CDK18: variants seen among roughly 807,000 people sequenced by gnomAD.
CDK18 encodes the protein cyclin-dependent kinase 18.
Under a neutral mutation model 62.0 loss-of-function variants are expected in CDK18, and 52 were observed. The observed-to-expected ratio is 0.84, with a 90% confidence interval of 0.67 to 1.06. The LOEUF (loss-of-function observed/expected upper bound fraction) is 1.06. CDK18 is among the 50% of genes least tolerant of loss of function. The pLI is 0.00. For synonymous variants in CDK18, 237 were observed against 247.0 expected, an observed-to-expected ratio of 0.96 and a Z score of 0.38; for missense variants, 604 against 619.9, an observed-to-expected ratio of 0.97 and a Z score of 0.27.
chr1:205,527,824 G>T lies in CDK18; in HGVS notation c.760G>T (p.Ala254Ser). 1.9e-6 allele frequency: 3 copies of T among 1,613,836 alleles called. No homozygotes were observed. Among genetic ancestry groups the T allele is most frequent in the Non-Finnish European group, 2.5e-6 (3 of 1,179,888 alleles). The change falls in exon 9 of 16, where the codon GCC (alanine) becomes TCC (serine). Residue 254 changes from alanine (A) to serine (S), a missense_variant. Coordinates refer to ENST00000429964, the MANE Select transcript of CDK18 (RefSeq NM_212502.3). The surrounding 1 kb of genome is among the most constrained non-coding windows in gnomAD (Gnocchi z 4.1). ...IFMFQLLRGL[A>S]YCHHRKILHR... Reference sequence around the variant, plus strand: ...CATGTTCCAGCTGCTCCGGGGCCTCGCCTACTGTCACCACCGCAAGATCCT... The same window carrying T: ...CATGTTCCAGCTGCTCCGGGGCCTCTCCTACTGTCACCACCGCAAGATCCT...
intron 1 of CDK18, among the ~76,000 whole-genome samples, chr1:205,520,494 G>T (rs1215952522): frequency 6.6e-6 from 1 of 152,144 alleles, no homozygotes; most frequent in Non-Finnish European, 1.5e-5. Flanking sequence ...GAGGTCAGGA[G>T]TTCGAGACCA....
At position 205,530,622 on chromosome 1, in the gene CDK18, C is replaced by T. The variant is rs1320827478; in HGVS notation, c.1313-6C>T. 5.0e-6 allele frequency: 8 copies of T among 1,613,756 alleles called. No homozygotes were observed. Among genetic ancestry groups the T allele is most frequent in the Non-Finnish European group, 6.8e-6 (8 of 1,179,816 alleles). ...CCTCTCCAGACTATGCACTTCTCTC[C>T]CCCAGCTGCCTCCATCTTCTCCCTG... On this transcript the variant is annotated splice_region_variant and splice_polypyrimidine_tract_variant and intron_variant, in intron 14 of 15. Transcript: ENST00000429964.
Position 205,528,930 on chromosome 1 carries a change from C to T in CDK18, c.975-69C>T. On this transcript the variant is annotated intron_variant, in intron 10 of 15. Coordinates refer to ENST00000429964, the MANE Select transcript of CDK18 (RefSeq NM_212502.3). This position sits in a 1 kb window ranked among gnomAD's most constrained non-coding sequence, Gnocchi z 4.2. Reference sequence around the variant, plus strand: ...CCTGTGGCAGGTCGTCATTGGTGCCCTGGTGGAGCAGCCCTAGGAAGGGCG... The same window carrying T: ...CCTGTGGCAGGTCGTCATTGGTGCCTTGGTGGAGCAGCCCTAGGAAGGGCG... 9.6e-7 allele frequency: 1 copy of T among 1,037,942 alleles called. No individual in the cohort carries two copies. The highest frequency in any genetic ancestry group is 1.4e-6 in the Non-Finnish European group (1 of 704,368). The allele number at this position is 1,037,942 out of a possible 1,614,324, so 64.3% of individuals were successfully genotyped here. A position where few individuals can be genotyped will look rare whatever the true frequency, so the allele number is the denominator to read the frequency against.
In CDK18 at chr1:205,527,658, G is replaced by C; in HGVS notation, c.730-136G>C. The C allele has an allele frequency of 1.2e-6, 1 of 813,830 alleles. No homozygotes were observed. Among genetic ancestry groups the C allele is most frequent in the Non-Finnish European group, 2.0e-6 (1 of 494,056 alleles). The allele number at this position is 813,830 out of a possible 1,614,324, so 50.4% of individuals were successfully genotyped here. A position where few individuals can be genotyped will look rare whatever the true frequency, so the allele number is the denominator to read the frequency against. On this transcript the variant is annotated intron_variant, in intron 8 of 15. Coordinates refer to ENST00000429964, the MANE Select transcript of CDK18 (RefSeq NM_212502.3). The surrounding 1 kb of genome is among the most constrained non-coding windows in gnomAD (Gnocchi z 4.1). ...CTGGTGTGGGTGGGGTCCAGGATGG[G>C]GGCTGCAGGGTGTGCAGGAGAATGA...
rs1427648069 is a variant in CDK18, at chr1:205,517,976, A to G, written c.-21-5171A>G. Among the ~76,000 whole-genome samples the G allele has an allele frequency of 6.6e-6, 1 of 152,136 alleles. No individual in the cohort carries two copies. Among genetic ancestry groups the G allele is most frequent in the African/African-American group, 2.4e-5 (1 of 41,420 alleles). On this transcript the variant is annotated intron_variant, in intron 1 of 15. Transcript: ENST00000429964. The surrounding 1 kb of genome is among the most constrained non-coding windows in gnomAD (Gnocchi z 4.1). ...CTCCCATCCAGCATCTTCTCCAGCC[A>G]CATCATTGTCCTGCAGTGAACCAGA...
At position 205,517,979 on chromosome 1, in the gene CDK18, T is replaced by C. The variant is rs375644996; in HGVS notation, c.-21-5168T>C. Among the ~76,000 whole-genome samples the C allele has an allele frequency of 3.9e-3, 601 of 152,294 alleles. 5 individuals carry two copies. The highest frequency in any genetic ancestry group is 0.036 in the South Asian group (172 of 4,820). ...CCATCCAGCATCTTCTCCAGCCACA[T>C]CATTGTCCTGCAGTGAACCAGACTT... On this transcript the variant is annotated intron_variant, in intron 1 of 15. Transcript: ENST00000429964. The surrounding 1 kb of genome is among the most constrained non-coding windows in gnomAD (Gnocchi z 4.1).
In CDK18 at chr1:205,527,094, C is replaced by T; in HGVS notation, c.729+257C>T. ...ACTCTCAACTCTGAACATCAGTTTC[C>T]CAGTCTGTCAAATGGGAGTGTGAGC... On this transcript the variant is annotated intron_variant, in intron 8 of 15. Transcript: ENST00000429964. This position sits in a 1 kb window ranked among gnomAD's most constrained non-coding sequence, Gnocchi z 4.1. 1 of 495,236 alleles carries T rather than the reference C, an allele frequency of 2.0e-6. No individual in the cohort carries two copies. The highest frequency in any genetic ancestry group is 3.6e-6 in the Non-Finnish European group (1 of 277,310). 30.7% of individuals were successfully genotyped at this position (495,236 alleles called of 1,614,324 possible).
intron 1 of CDK18, among the ~76,000 whole-genome samples, chr1:205,510,107 C>T (rs552483662): frequency 6.6e-6 from 1 of 152,104 alleles, no homozygotes; most frequent in East Asian, 1.9e-4. Context: ...TTCTACCCTC[C>T]CTCACTCTGA....
chr1:205,520,944 C>A (rs969174825), intron 1 of CDK18, among the ~76,000 whole-genome samples: 1 of 152,128 alleles, frequency 6.6e-6, no homozygotes, highest in African/African-American at 2.4e-5. Context: ...CTGCAAGAGT[C>A]CTGCAGACAG....
chr1:205,505,902 C>T (rs1213624448), intron 1 of CDK18, among the ~76,000 whole-genome samples: 1 of 152,164 alleles, frequency 6.6e-6, no homozygotes, highest in Non-Finnish European at 1.5e-5. Context: ...TTCTTCCCCA[C>T]CCCTAGCCCA....
Position 205,528,971 on chromosome 1 carries a change from T to A in CDK18, c.975-28T>A. The A allele has an allele frequency of 6.6e-7, 1 of 1,508,822 alleles. No individual in the cohort carries two copies. The highest frequency in any genetic ancestry group is 2.0e-5 in the Admixed American group (1 of 50,770). The allele number at this position is 1,508,822 out of a possible 1,614,324, so 93.5% of individuals were successfully genotyped here. A position where few individuals can be genotyped will look rare whatever the true frequency, so the allele number is the denominator to read the frequency against. ...AGGAAGGGCGGCCGCCCCTGCCTGATGCCGACCCTACCCCTTGCTCCTCGC... is the reference window on the plus strand; with the variant it reads ...AGGAAGGGCGGCCGCCCCTGCCTGAAGCCGACCCTACCCCTTGCTCCTCGC... On this transcript the variant is annotated intron_variant, in intron 10 of 15. Transcript: ENST00000429964. The surrounding 1 kb of genome is among the most constrained non-coding windows in gnomAD (Gnocchi z 4.2).
chr1:205,517,619 G>A lies in CDK18; in HGVS notation c.-21-5528G>A, dbSNP rs181421036. Among the ~76,000 whole-genome samples, 30 of 152,036 alleles carry A rather than the reference G, an allele frequency of 2.0e-4. 1 individual carries two copies. The East Asian group carries it at 3.5e-3, about 18-fold the overall frequency. On this transcript the variant is annotated intron_variant, in intron 1 of 15. Transcript: ENST00000429964. This position sits in a 1 kb window ranked among gnomAD's most constrained non-coding sequence, Gnocchi z 4.1. ...AGTGACTGTTCTATCTCTCCACTCC[G>A]GCTGCTTGGCGAAAACCCTGCTGCA... is the stretch of plus-strand genomic sequence containing the variant.
chr1:205,513,978 C>A (rs1667694826), intron 1 of CDK18, among the ~76,000 whole-genome samples: 1 of 152,218 alleles, frequency 6.6e-6, no homozygotes, highest in South Asian at 2.1e-4. Flanking sequence ...TCAGCTGAGG[C>A]CTCGAGTCCA....
intron 1 of CDK18, among the ~76,000 whole-genome samples, chr1:205,512,855 C>T (rs111469171): frequency 2.5e-3 from 380 of 152,294 alleles, no homozygotes; most frequent in Non-Finnish European, 4.6e-3. Context: ...TTCCCTCCCC[C>T]TCCTGAGACT....
intron 2 of CDK18, 29 bp from the exon 3 acceptor site, chr1:205,523,454 G>T: frequency 6.3e-7 from 1 of 1,597,308 alleles, no homozygotes; most frequent in Non-Finnish European, 8.5e-7. Flanking sequence ...AGAGAGGCAG[G>T]GAGGGGAGCT....
At chr1:205,525,279 G>C in intron 5 of CDK18, 84 bp downstream of exon 5, 1 of 984,210 alleles carries the variant, frequency 1.0e-6, no homozygotes, top group East Asian at 2.6e-5. Context: ...GGCCCTCTCT[G>C]GTCGGCCCTC....
At position 205,527,892 on chromosome 1, in the gene CDK18, G is replaced by T. The variant is rs145302776; in HGVS notation, c.828G>T (p.Arg276Ser). Residue 276 changes from arginine to serine, a missense_variant, in exon 9 of 16, where the codon AGG becomes AGT. Physicochemically the swap from Arg to Ser is moderately radical, Grantham distance 110 (BLOSUM62 -1). Coordinates refer to ENST00000429964, the MANE Select transcript of CDK18 (RefSeq NM_212502.3). This position sits in a 1 kb window ranked among gnomAD's most constrained non-coding sequence, Gnocchi z 4.1. ...LKPQNLLINE[R>S]GELKLADFGL... is the part of the protein sequence containing the mutation. Reference sequence around the variant, plus strand: ...CCCAGAACCTGCTCATCAACGAGAGGGGGGAGCTGAAGCTGGCCGACTTTG... The same window carrying T: ...CCCAGAACCTGCTCATCAACGAGAGTGGGGAGCTGAAGCTGGCCGACTTTG... The T allele has an allele frequency of 5.8e-5, 94 of 1,614,034 alleles. No individual in the cohort carries two copies. Among genetic ancestry groups the T allele is most frequent in the Admixed American group, 3.3e-4 (20 of 59,992 alleles).
At position 205,527,045 on chromosome 1, in the gene CDK18, T is replaced by C. The variant is rs949552149; in HGVS notation, c.729+208T>C. 1.7e-6 allele frequency: 1 copy of C among 575,252 alleles called. No homozygotes were observed. The highest frequency in any genetic ancestry group is 3.1e-6 in the Non-Finnish European group (1 of 320,638). 35.6% of individuals were successfully genotyped at this position (575,252 alleles called of 1,614,324 possible). ...AGAACAGACACACACTGTCTGCCAC[T>C]GTCTAGCTGTTGGTATAAAACCCAC... On this transcript the variant is annotated intron_variant, in intron 8 of 15. Transcript: ENST00000429964. The surrounding 1 kb of genome is among the most constrained non-coding windows in gnomAD (Gnocchi z 4.1).
At chr1:205,525,940 C>T in intron 5 of CDK18, 125 bp from the exon 6 acceptor site, 1 of 645,540 alleles carries the variant, frequency 1.5e-6, no homozygotes, top group Non-Finnish European at 2.8e-6. Flanking sequence ...AACAGCATGT[C>T]AGTAAAGGGA....
Sources: gnomAD v4.1 joint callset for allele counts (sites outside exome capture counted in the v4.1 genomes callset) on GRCh38, gnomAD v4.1.1 for gene constraint, Gnocchi (gnomAD v3.1) non-coding constraint, MANE v1.5 for transcripts, NCBI Gene and HGNC (gene_info 2026-07-23, HGNC 2026-07-21) for gene names.